Variants in SDK1 observed in about 807,000 individuals in gnomAD.
SDK1 encodes protein sidekick-1.
Under a neutral mutation model 245.5 loss-of-function variants are expected in SDK1, and 157 were observed. The ratio of observed to expected loss-of-function variants is 0.64; its 90% confidence interval spans 0.56 to 0.73. The LOEUF (loss-of-function observed/expected upper bound fraction) is 0.73, where lower values mean the gene tolerates loss of function less well. SDK1 is among the 30% of genes least tolerant of loss of function. SDK1 has a pLI of 0.00. For missense variants in SDK1, 3,583 were observed against 3,002.3 expected (o/e 1.19, Z -4.52); for synonymous variants, 1,647 against 1,278.5 (o/e 1.29, Z -6.15).
intron 14 of SDK1, among the ~76,000 whole-genome samples, chr7:3,988,925 C>T (rs1784078208): frequency 6.6e-6 from 1 of 152,184 alleles, no homozygotes; most frequent in Non-Finnish European, 1.5e-5. Context: ...GCACCTGCCA[C>T]CACGCCCAGC....
intron 22 of SDK1, among the ~76,000 whole-genome samples, chr7:4,093,304 C>T (rs1465253514): frequency 6.6e-6 from 1 of 152,060 alleles, no homozygotes; most frequent in African/African-American, 2.4e-5. Flanking sequence ...CCTCTGTAAA[C>T]CCCTGCCATT....
rs1346449949 is a variant in SDK1, at chr7:3,901,360, G to GT, written c.848-49556dup. Reference sequence around the variant, plus strand: ...TGCCACCACGCCCGGTTAATTTTTTGTTTTTTTAATAGAGACGGGGTTTCA... The same window carrying GT: ...TGCCACCACGCCCGGTTAATTTTTTGTTTTTTTTAATAGAGACGGGGTTTCA... On this transcript the variant is annotated intron_variant, in intron 5 of 44. Transcript: ENST00000404826. Among the ~76,000 whole-genome samples the GT allele has an allele frequency of 1.2e-4, 18 of 151,956 alleles. No individual in the cohort carries two copies. In the East Asian group the frequency reaches 2.9e-3, roughly 25 times the overall value.
chr7:3,592,079 C>G (rs965403564), intron 1 of SDK1, among the ~76,000 whole-genome samples: 6 of 152,176 alleles, frequency 3.9e-5, no homozygotes, highest in Non-Finnish European at 8.8e-5. Flanking sequence ...ACTATCAGCT[C>G]TATTTTTGGA....
chr7:3,880,168 C>T (rs187099153), intron 5 of SDK1, among the ~76,000 whole-genome samples: 1 of 152,220 alleles, frequency 6.6e-6, no homozygotes. Flanking sequence ...CCGCACTCCT[C>T]AGGGAGATGG....
chr7:3,643,899 C>T (rs1255065711), intron 4 of SDK1: 1 of 148,374 alleles, frequency 6.7e-6, no homozygotes, highest in Non-Finnish European at 1.5e-5. Context: ...TTATATAATA[C>T]TTATAATTAA....
intron 1 of SDK1, among the ~76,000 whole-genome samples, chr7:3,404,180 A>G (rs998057233): frequency 2.0e-5 from 3 of 151,720 alleles, no homozygotes; most frequent in African/African-American, 4.8e-5. Flanking sequence ...GCTGCCACAA[A>G]CCTCCAAAAT....
At chr7:4,079,368 TGA>T in intron 21 of SDK1, 93 bp from the exon 22 acceptor site, 2 of 1,461,756 alleles carry the variant, frequency 1.4e-6, no homozygotes, top group African/African-American at 2.8e-5. Context: ...AGAATCGTTT[TGA>T]AACTGTTTAC....
chr7:3,499,224 T>G (rs964472672), intron 1 of SDK1, among the ~76,000 whole-genome samples: 1 of 152,220 alleles, frequency 6.6e-6, no homozygotes, highest in African/African-American at 2.4e-5. Context: ...CTTTCCGGAT[T>G]CATTTTTTGT....
At chr7:3,869,530 T>A (rs1780908030) in intron 5 of SDK1, among the ~76,000 whole-genome samples, 1 of 152,088 alleles carries the variant, frequency 6.6e-6, no homozygotes, top group Non-Finnish European at 1.5e-5. Flanking sequence ...GGCTTCGGGG[T>A]CAGCTCCAGG....
chr7:3,338,757 A>G (rs1780270524), intron 1 of SDK1, among the ~76,000 whole-genome samples: 1 of 152,192 alleles, frequency 6.6e-6, no homozygotes, highest in Non-Finnish European at 1.5e-5. Context: ...TGTGCTGGTA[A>G]AAATGTTGAT....
At chr7:4,087,693 C>T (rs533389314) in intron 22 of SDK1, among the ~76,000 whole-genome samples, 35 of 152,274 alleles carry the variant, frequency 2.3e-4, no homozygotes, top group Non-Finnish European at 4.4e-4. Context: ...AAATGAGGGG[C>T]GATCAATATA....
chr7:4,143,116 T>G (rs1334739363), intron 28 of SDK1, among the ~76,000 whole-genome samples: 1 of 152,160 alleles, frequency 6.6e-6, no homozygotes, highest in Non-Finnish European at 1.5e-5. Flanking sequence ...TCCTCAGGGC[T>G]GGGCTAGGGG....
chr7:3,443,122 A>G (rs973878791), intron 1 of SDK1, among the ~76,000 whole-genome samples: 1 of 151,626 alleles, frequency 6.6e-6, no homozygotes, highest in Non-Finnish European at 1.5e-5. Context: ...TATCCTTAAC[A>G]TGTAATTAAG....
At chr7:4,172,341 A>C (rs973742733) in intron 32 of SDK1, among the ~76,000 whole-genome samples, 2 of 152,138 alleles carry the variant, frequency 1.3e-5, no homozygotes, top group South Asian at 2.1e-4. Context: ...CGCATGCTGC[A>C]TGCGTGAGTG....
intron 5 of SDK1, among the ~76,000 whole-genome samples, chr7:3,871,711 T>A (rs1780961122): frequency 6.6e-6 from 1 of 152,112 alleles, no homozygotes; most frequent in South Asian, 2.1e-4. Context: ...TCCCAGGAAC[T>A]AAGTATAGTG....
chr7:3,357,326 GTGTTTTTTTTTTT>G lies in SDK1; in HGVS notation c.298+55444_298+55456del, dbSNP rs1562437666. 3.6e-3 allele frequency among the ~76,000 whole-genome samples: 182 copies of G among 50,110 alleles called. 12 individuals carry two copies. Among genetic ancestry groups the G allele is most frequent in the Admixed American group, 8.6e-3 (32 of 3,702 alleles). The allele number at this position is 50,110 out of a possible 152,430, so 32.9% of individuals were successfully genotyped here. ...TTTTACTCTTGCTCCCCTTCTTTTA[GTGTTTTTTTTTTT>G]TTTTTTTTTTTTTTTTTTTTTTTTT... On this transcript the variant is annotated intron_variant, in intron 1 of 44. Coordinates refer to ENST00000404826, the MANE Select transcript of SDK1 (RefSeq NM_152744.4).
At chr7:3,338,287 A>G (rs1043182068) in intron 1 of SDK1, 78 of 473,236 alleles carry the variant, frequency 1.6e-4, no homozygotes, top group Non-Finnish European at 1.7e-4. Context: ...AAGCCCCACA[A>G]GTGTTACCAT....
At chr7:3,363,078 C>T (rs1327260712) in intron 1 of SDK1, among the ~76,000 whole-genome samples, 2 of 152,132 alleles carry the variant, frequency 1.3e-5, no homozygotes, top group Admixed American at 6.5e-5. Flanking sequence ...AGAAACAGAA[C>T]GTTTCCATCA....
intron 1 of SDK1, among the ~76,000 whole-genome samples, chr7:3,467,221 C>T (rs1432974714): frequency 6.6e-6 from 1 of 151,920 alleles, no homozygotes; most frequent in Non-Finnish European, 1.5e-5. Context: ...AATATTAAAG[C>T]ACTTTCACAT....
Sources: allele counts gnomAD v4.1 joint callset (sites outside exome capture counted in the v4.1 genomes callset), GRCh38; gene constraint gnomAD v4.1.1; transcripts MANE v1.5; gene names NCBI Gene and HGNC (gene_info 2026-07-23, HGNC 2026-07-21).